The following ULK4 variants were observed in gnomAD, a reference collection of about 807,000 sequenced individuals.
ULK4 encodes unc-51 like kinase 4.
In ULK4, 133 loss-of-function variants were observed where a neutral mutation model predicts 160.6. The observed-to-expected ratio is 0.83, with a 90% CI of 0.72 to 0.96. ULK4 has a LOEUF of 0.96. Among genes scored for constraint, ULK4 ranks in the 40% least tolerant of loss-of-function variants. The pLI is 0.00. For synonymous variants in ULK4, 534 were observed against 539.8 expected, an observed-to-expected ratio of 0.99 and a Z score of 0.15; for missense variants, 1,580 against 1,499.5, an observed-to-expected ratio of 1.05 and a Z score of -0.89.
chr3:41,864,723 T>G (rs1198339026), intron 17 of ULK4, among the ~76,000 whole-genome samples: 1 of 151,894 alleles, frequency 6.6e-6, no homozygotes, highest in Non-Finnish European at 1.5e-5. Context: ...AGAAGATAAA[T>G]CATCCAACAC....
chr3:41,918,434 CCATTT>C lies in ULK4; in HGVS notation c.727+18_727+22del, dbSNP rs765322573. ...AATCAGTGTAAAATGTAAATTAATT[CCATTT>C]ATCATAAGAAATCTTACCTTTCGGA... On this transcript the variant is annotated intron_variant, in intron 7 of 36. Coordinates refer to ENST00000301831, the MANE Select transcript of ULK4 (RefSeq NM_017886.4). 2.0e-6 allele frequency: 3 copies of C among 1,494,262 alleles called. No homozygotes were observed. The African/African-American group carries it at 4.2e-5, about 21-fold the overall frequency. The allele number at this position is 1,494,262 out of a possible 1,614,324, so 92.6% of individuals were successfully genotyped here. A position where few individuals can be genotyped will look rare whatever the true frequency, so the allele number is the denominator to read the frequency against.
intron 35 of ULK4, among the ~76,000 whole-genome samples, chr3:41,366,645 T>A (rs2081260118): frequency 6.6e-6 from 1 of 152,168 alleles, no homozygotes; most frequent in African/African-American, 2.4e-5. Flanking sequence ...TATACTTATA[T>A]CTGTATATGT....
intron 27 of ULK4, among the ~76,000 whole-genome samples, chr3:41,693,245 A>C (rs890343173): frequency 3.3e-5 from 5 of 152,206 alleles, no homozygotes; most frequent in African/African-American, 1.2e-4. Flanking sequence ...AAATGGTAAA[A>C]GCCTATATAA....
At chr3:41,406,877 G>C (rs1024841674) in intron 34 of ULK4, among the ~76,000 whole-genome samples, 1 of 152,172 alleles carries the variant, frequency 6.6e-6, no homozygotes, top group African/African-American at 2.4e-5. Flanking sequence ...AGATAATGAA[G>C]AACGGTTGTC....
intron 21 of ULK4, among the ~76,000 whole-genome samples, chr3:41,768,357 T>A (rs963740697): frequency 6.6e-6 from 1 of 152,220 alleles, no homozygotes; most frequent in Admixed American, 6.5e-5. Flanking sequence ...TGGACTAACC[T>A]GCTTCTTTCA....
At chr3:41,859,770 G>A (rs974956295) in intron 17 of ULK4, among the ~76,000 whole-genome samples, 19 of 150,524 alleles carry the variant, frequency 1.3e-4, no homozygotes, top group Non-Finnish European at 8.8e-5. Flanking sequence ...CAATTCTCCT[G>A]CCTTGGCCTC....
At chr3:41,312,762 C>G (rs2125721875) in intron 35 of ULK4, among the ~76,000 whole-genome samples, 1 of 152,260 alleles carries the variant, frequency 6.6e-6, no homozygotes, top group Non-Finnish European at 1.5e-5. Flanking sequence ...GAGCTATGAT[C>G]ATACCACTGC....
At chr3:41,323,391 A>AACACACACACACACACACACAC (rs34357899) in intron 35 of ULK4, among the ~76,000 whole-genome samples, 1 of 120,266 alleles carries the variant, frequency 8.3e-6, no homozygotes, top group Non-Finnish European at 1.7e-5. Flanking sequence ...CCTGAACAAT[A>AACACACACACACACACACACAC]ACACACACAC....
At chr3:41,940,376 G>A (rs551702179) in intron 2 of ULK4, among the ~76,000 whole-genome samples, 6 of 152,150 alleles carry the variant, frequency 3.9e-5, no homozygotes, top group African/African-American at 1.2e-4. Context: ...CTGGCAATAC[G>A]TGTCACCTCA....
intron 35 of ULK4, among the ~76,000 whole-genome samples, chr3:41,394,750 A>G (rs1057037946): frequency 2.6e-5 from 4 of 152,102 alleles, no homozygotes; most frequent in Non-Finnish European, 5.9e-5. Flanking sequence ...CAAGTTCAAG[A>G]CCACAACTGA....
chr3:41,374,981 T>C (rs536207872), intron 35 of ULK4, among the ~76,000 whole-genome samples: 6 of 151,458 alleles, frequency 4.0e-5, no homozygotes, highest in Admixed American at 2.6e-4. Context: ...GAAGCATTCT[T>C]ATACACCAGT....
chr3:41,489,600 C>G (rs2084673387), intron 32 of ULK4, among the ~76,000 whole-genome samples: 1 of 152,132 alleles, frequency 6.6e-6, no homozygotes, highest in East Asian at 1.9e-4. Flanking sequence ...GGATTAGATG[C>G]TTTCTCCCTA....
intron 18 of ULK4, among the ~76,000 whole-genome samples, chr3:41,827,029 G>A (rs1181748513): frequency 1.3e-5 from 2 of 150,952 alleles, no homozygotes. Flanking sequence ...TCCACTACAT[G>A]GAAACTGAAC....
At chr3:41,317,063 AT>A (rs1164870603) in intron 35 of ULK4, among the ~76,000 whole-genome samples, 189 of 94,546 alleles carry the variant, frequency 2.0e-3, no homozygotes, top group Middle Eastern at 0.012. Flanking sequence ...AATTACATCT[AT>A]TTTTTTTTTT....
At chr3:41,925,563 T>C (rs1010092519) in intron 5 of ULK4, among the ~76,000 whole-genome samples, 2 of 152,142 alleles carry the variant, frequency 1.3e-5, no homozygotes, top group Non-Finnish European at 2.9e-5. Context: ...GACCGTTCAC[T>C]GCCCTGGAAA....
At chr3:41,386,231 T>C (rs1168702896) in intron 35 of ULK4, among the ~76,000 whole-genome samples, 2 of 152,184 alleles carry the variant, frequency 1.3e-5, no homozygotes, top group Non-Finnish European at 2.9e-5. Flanking sequence ...CATATTCCTT[T>C]TTTTACAACT....
At chr3:41,723,675 C>T (rs1444257020) in intron 22 of ULK4, among the ~76,000 whole-genome samples, 2 of 152,206 alleles carry the variant, frequency 1.3e-5, no homozygotes, top group Admixed American at 1.3e-4. Flanking sequence ...TAGGCTTGCA[C>T]TCAGGCAAAA....
At chr3:41,768,091 G>A (rs111708447) in intron 21 of ULK4, among the ~76,000 whole-genome samples, 18,836 of 152,050 alleles carry the variant, frequency 0.12, 1,345 homozygotes, top group Middle Eastern at 0.26. Flanking sequence ...CTGCACATAC[G>A]AGGGATCTAG....
At chr3:41,666,448 G>T (rs541585000) in intron 29 of ULK4, among the ~76,000 whole-genome samples, 4 of 152,256 alleles carry the variant, frequency 2.6e-5, no homozygotes, top group Admixed American at 1.3e-4. Flanking sequence ...ACCCTTTATA[G>T]CATACATCCC....
Sources: allele counts gnomAD v4.1 joint callset (sites outside exome capture counted in the v4.1 genomes callset), GRCh38; gene constraint gnomAD v4.1.1; transcripts MANE v1.5; gene names NCBI Gene and HGNC (gene_info 2026-07-23, HGNC 2026-07-21).